PRKCE: variants seen among roughly 807,000 people sequenced by gnomAD.
PRKCE encodes the protein protein kinase C epsilon, also known as protein kinase C epsilon type.
PRKCE carries 16 observed loss-of-function variants against 85.4 expected under a neutral mutation model. The observed-to-expected ratio is 0.19, with a 90% CI of 0.13 to 0.28. The LOEUF is 0.28. Ranked by LOEUF, PRKCE falls within the 10% of genes least tolerant of loss-of-function variation. PRKCE has a pLI of 1.00. For synonymous variants in PRKCE, 388 were observed against 371.5 expected, an observed-to-expected ratio of 1.04 and a Z score of -0.51; for missense variants, 573 against 975.2, an observed-to-expected ratio of 0.59 and a Z score of 5.49.
At chr2:45,797,437 A>G (rs1687531349) in intron 1 of PRKCE, among the ~76,000 whole-genome samples, 3 of 152,206 alleles carry the variant, frequency 2.0e-5, no homozygotes, top group Non-Finnish European at 2.9e-5. Flanking sequence ...TCCATGGTGC[A>G]CCACATACCT....
At chr2:46,065,462 G>A (rs1278948016) in intron 10 of PRKCE, among the ~76,000 whole-genome samples, 4 of 152,088 alleles carry the variant, frequency 2.6e-5, no homozygotes, top group Admixed American at 2.6e-4. Flanking sequence ...CATTTGTCCG[G>A]TTAAGCTTGA....
At chr2:45,811,326 C>T (rs1688638637) in intron 1 of PRKCE, among the ~76,000 whole-genome samples, 1 of 152,118 alleles carries the variant, frequency 6.6e-6, no homozygotes, top group African/African-American at 2.4e-5. Flanking sequence ...AGGCAGCTGC[C>T]TAAGTACTGT....
chr2:45,826,625 G>C (rs768309679), intron 1 of PRKCE, among the ~76,000 whole-genome samples: 7 of 152,126 alleles, frequency 4.6e-5, no homozygotes, highest in African/African-American at 9.7e-5. Flanking sequence ...CAGATCTGTA[G>C]ATGCAGCTGT....
intron 11 of PRKCE, among the ~76,000 whole-genome samples, chr2:46,114,918 T>G (rs576964638): frequency 6.6e-6 from 1 of 152,300 alleles, no homozygotes; most frequent in African/African-American, 2.4e-5. Flanking sequence ...GAGACCTTTA[T>G]AATATATGTT....
chr2:45,963,084 A>G (rs1269286929), intron 2 of PRKCE, among the ~76,000 whole-genome samples: 1 of 152,154 alleles, frequency 6.6e-6, no homozygotes. Context: ...TTCCTAAGGG[A>G]CGTCTATCTC....
At chr2:45,920,510 C>T (rs1015176501) in intron 2 of PRKCE, among the ~76,000 whole-genome samples, 4 of 152,142 alleles carry the variant, frequency 2.6e-5, no homozygotes, top group Non-Finnish European at 5.9e-5. Context: ...ACCCAAATGC[C>T]GTCAACTGCT....
intron 11 of PRKCE, among the ~76,000 whole-genome samples, chr2:46,090,608 C>A (rs774547624): frequency 1.3e-5 from 2 of 152,134 alleles, no homozygotes; most frequent in Non-Finnish European, 2.9e-5. Context: ...TTTCTCCAGT[C>A]TTTGTTTGAA....
chr2:45,913,537 C>G (rs535789436), intron 2 of PRKCE, among the ~76,000 whole-genome samples: 2 of 152,156 alleles, frequency 1.3e-5, no homozygotes, highest in Non-Finnish European at 2.9e-5. Context: ...CTCTTAGTTC[C>G]GGTATCTGGA....
intron 1 of PRKCE, among the ~76,000 whole-genome samples, chr2:45,681,395 T>G (rs1676892722): frequency 6.7e-6 from 1 of 150,084 alleles, no homozygotes; most frequent in Non-Finnish European, 1.5e-5. Context: ...AATGTAGTTA[T>G]CCTAAATTTT....
chr2:45,782,580 A>C (rs1401466647), intron 1 of PRKCE, among the ~76,000 whole-genome samples: 1 of 152,184 alleles, frequency 6.6e-6, no homozygotes, highest in African/African-American at 2.4e-5. Flanking sequence ...AGGATGGGCA[A>C]GACCTAAGAT....
At chr2:45,750,449 G>A (rs571139997) in intron 1 of PRKCE, among the ~76,000 whole-genome samples, 10 of 152,234 alleles carry the variant, frequency 6.6e-5, no homozygotes, top group Admixed American at 1.3e-4. Context: ...CAAAATTTGC[G>A]GTCCCATTGC....
chr2:46,145,072 T>C lies in PRKCE; in HGVS notation c.1593-21T>C, dbSNP rs2104487317. ...TGGGGTGAGTGACGTATTGACATTA[T>C]GGTCCTGGCCTATCTTGCAGGGATT... On this transcript the variant is annotated intron_variant, in intron 11 of 14. Transcript: ENST00000306156. This position sits in a 1 kb window ranked among gnomAD's most constrained non-coding sequence, Gnocchi z 4.6. 1 of 1,599,680 alleles carries C rather than the reference T, an allele frequency of 6.3e-7. No individual in the cohort carries two copies. Among genetic ancestry groups the C allele is most frequent in the East Asian group, 2.2e-5 (1 of 44,886 alleles).
chr2:46,079,659 A>G (rs1424730384), intron 10 of PRKCE, among the ~76,000 whole-genome samples: 2 of 152,214 alleles, frequency 1.3e-5, no homozygotes, highest in African/African-American at 4.8e-5. Flanking sequence ...TTTATGTGAA[A>G]TCGATGTAAG....
intron 10 of PRKCE, among the ~76,000 whole-genome samples, chr2:46,020,562 T>C (rs370540748): frequency 1.3e-4 from 20 of 152,346 alleles, no homozygotes; most frequent in African/African-American, 4.6e-4. Context: ...TTCAAGATTC[T>C]GGTATTCTGT....
In PRKCE at chr2:45,958,834, T is replaced by A. The variant is rs1277979915; in HGVS notation, c.413-17595T>A. On this transcript the variant is annotated intron_variant, in intron 2 of 14. Coordinates refer to ENST00000306156, the MANE Select transcript of PRKCE (RefSeq NM_005400.3). Reference sequence around the variant, plus strand: ...TATATATATTTTTTTTTTTTTTTTTTTTTTTTTTTTTTTTTTTTTTTAATA... The same window carrying A: ...TATATATATTTTTTTTTTTTTTTTTATTTTTTTTTTTTTTTTTTTTTAATA... Among the ~76,000 whole-genome samples, 656 of 76,964 alleles carry A rather than the reference T, an allele frequency of 8.5e-3. 14 individuals are homozygous for A. The highest frequency in any genetic ancestry group is 0.016 in the African/African-American group (376 of 22,916). The allele number at this position is 76,964 out of a possible 152,430, so 50.5% of individuals were successfully genotyped here.
At chr2:45,857,036 C>T (rs1260937956) in intron 2 of PRKCE, among the ~76,000 whole-genome samples, 1 of 152,154 alleles carries the variant, frequency 6.6e-6, no homozygotes, top group Non-Finnish European at 1.5e-5. Flanking sequence ...GTCTCTTTGA[C>T]ATTTGATTTC....
intron 2 of PRKCE, among the ~76,000 whole-genome samples, chr2:45,955,658 A>G (rs1379088387): frequency 6.6e-6 from 1 of 152,166 alleles, no homozygotes; most frequent in Non-Finnish European, 1.5e-5. Flanking sequence ...CATCTCAAAA[A>G]CAAACCCCCA....
At position 46,159,361 on chromosome 2, in the gene PRKCE, G is replaced by A. The variant is rs895763218; in HGVS notation, c.1921-245G>A. On this transcript the variant is annotated intron_variant, in intron 13 of 14. Coordinates refer to ENST00000306156, the MANE Select transcript of PRKCE (RefSeq NM_005400.3). This position sits in a 1 kb window ranked among gnomAD's most constrained non-coding sequence, Gnocchi z 4.1. ...CGTTTATAATATAGAGACAATGATA[G>A]TACCTCGTAGGGCATTAGGATGAAA... Among the ~76,000 whole-genome samples, 2 of 152,188 alleles carry A rather than the reference G, an allele frequency of 1.3e-5. No homozygotes were observed. The highest frequency in any genetic ancestry group is 4.8e-5 in the African/African-American group (2 of 41,444).
chr2:45,661,896 A>T (rs866550311), intron 1 of PRKCE, among the ~76,000 whole-genome samples: 2 of 152,070 alleles, frequency 1.3e-5, no homozygotes, highest in African/African-American at 4.8e-5. Context: ...TGAGGAGAAA[A>T]ATAGTCTTTG....
Sources: gnomAD v4.1 joint callset for allele counts (sites outside exome capture counted in the v4.1 genomes callset) on GRCh38, gnomAD v4.1.1 for gene constraint, Gnocchi (gnomAD v3.1) non-coding constraint, MANE v1.5 for transcripts, NCBI Gene and HGNC (gene_info 2026-07-23, HGNC 2026-07-21) for gene names.